The following TEAD4 variants were observed in gnomAD, a reference collection of about 807,000 sequenced individuals.
TEAD4 encodes the protein transcriptional enhancer factor TEF-3.
TEAD4 carries 36 observed loss-of-function variants against 52.4 expected under a neutral mutation model. The ratio of observed to expected loss-of-function variants is 0.69; its 90% CI spans 0.53 to 0.91. The LOEUF (loss-of-function observed/expected upper bound fraction) is 0.91, where lower values mean the gene tolerates loss of function less well. Among genes scored for constraint, TEAD4 ranks in the 40% least tolerant of loss-of-function variants. TEAD4 has a pLI of 0.00. For missense variants in TEAD4, 508 were observed against 583.9 expected (o/e 0.87, Z 1.34); for synonymous variants, 220 against 231.0 (o/e 0.95, Z 0.43).
At chr12:3,028,990 G>A (rs923853749) in intron 10 of TEAD4, among the ~76,000 whole-genome samples, 5 of 152,070 alleles carry the variant, frequency 3.3e-5, no homozygotes, top group Non-Finnish European at 7.4e-5. Context: ...TGAGTTCTTA[G>A]TTCTGGATGA....
chr12:3,028,245 C>T (rs2098273259), intron 10 of TEAD4, among the ~76,000 whole-genome samples: 1 of 152,188 alleles, frequency 6.6e-6, no homozygotes, highest in Admixed American at 6.5e-5. Context: ...CTCCTCTTGG[C>T]TGTTAGGAGT....
intron 2 of TEAD4, among the ~76,000 whole-genome samples, chr12:2,969,745 G>A (rs2098223564): frequency 6.6e-6 from 1 of 152,210 alleles, no homozygotes; most frequent in African/African-American, 2.4e-5. Context: ...GGGAATTATT[G>A]CGTGGCTGCC....
chr12:2,993,125 A>G (rs1156802266), intron 2 of TEAD4, among the ~76,000 whole-genome samples: 2 of 152,226 alleles, frequency 1.3e-5, no homozygotes, highest in African/African-American at 2.4e-5. Flanking sequence ...AAAAAAGACC[A>G]CAAAATGTAC....
chr12:2,992,767 G>A (rs891658121), intron 2 of TEAD4, among the ~76,000 whole-genome samples: 3 of 152,102 alleles, frequency 2.0e-5, no homozygotes, highest in African/African-American at 7.3e-5. Flanking sequence ...GGGGCTCTGC[G>A]AGGGCTGTGG....
intron 2 of TEAD4, among the ~76,000 whole-genome samples, chr12:2,964,723 C>T (rs961309356): frequency 5.9e-5 from 9 of 151,744 alleles, no homozygotes; most frequent in East Asian, 1.9e-4. Flanking sequence ...CCACCCGCCT[C>T]GGCCTCCCAG....
At chr12:3,033,635 C>A (rs764309998) in intron 10 of TEAD4, among the ~76,000 whole-genome samples, 2 of 152,210 alleles carry the variant, frequency 1.3e-5, no homozygotes, top group Non-Finnish European at 2.9e-5. Context: ...CCTCCAGGCC[C>A]CCACACCCGG....
intron 3 of TEAD4, among the ~76,000 whole-genome samples, chr12:3,005,078 A>G (rs934712496): frequency 6.6e-6 from 1 of 152,166 alleles, no homozygotes; most frequent in Non-Finnish European, 1.5e-5. Flanking sequence ...ACAAATACAA[A>G]CCTGGAGGAC....
intron 2 of TEAD4, among the ~76,000 whole-genome samples, chr12:2,964,495 T>C: frequency 6.6e-6 from 1 of 151,762 alleles, no homozygotes; most frequent in Non-Finnish European, 1.5e-5. Context: ...TTTGCTTTTG[T>C]TGCCCAGGCT....
chr12:2,962,301 A>T (rs369047645), intron 2 of TEAD4, among the ~76,000 whole-genome samples: 1,210 of 29,540 alleles, frequency 0.041, 6 homozygotes, highest in Non-Finnish European at 0.12. Flanking sequence ...TATATATATA[A>T]ATATAAATAT....
chr12:2,972,305 C>T (rs1362526583), intron 2 of TEAD4, among the ~76,000 whole-genome samples: 1 of 151,924 alleles, frequency 6.6e-6, no homozygotes, highest in Non-Finnish European at 1.5e-5. Flanking sequence ...TGGTCTCAAA[C>T]TCCTGGGCTC....
At chr12:2,984,372 ACCAGGTCAT>A (rs2153954164) in intron 2 of TEAD4, among the ~76,000 whole-genome samples, 1 of 152,300 alleles carries the variant, frequency 6.6e-6, no homozygotes, top group African/African-American at 2.4e-5. Context: ...ATGGGGTTGC[ACCAGGTCAT>A]CCAGATGTGC....
intron 3 of TEAD4, among the ~76,000 whole-genome samples, chr12:3,010,121 C>T (rs1389313940): frequency 6.6e-6 from 1 of 152,250 alleles, no homozygotes; most frequent in Non-Finnish European, 1.5e-5. Context: ...TAACACTAGC[C>T]AGGGGTGAAG....
chr12:3,014,117 C>A (rs996316208), intron 5 of TEAD4, among the ~76,000 whole-genome samples: 1 of 152,208 alleles, frequency 6.6e-6, no homozygotes, highest in African/African-American at 2.4e-5. Flanking sequence ...GCTCCTTTTT[C>A]CCTGGGACAG....
intron 2 of TEAD4, among the ~76,000 whole-genome samples, chr12:2,963,367 G>C (rs1475937058): frequency 2.0e-5 from 3 of 152,204 alleles, no homozygotes; most frequent in African/African-American, 7.2e-5. Flanking sequence ...GGTCAGTCCA[G>C]TGGCAGTTGG....
intron 2 of TEAD4, among the ~76,000 whole-genome samples, chr12:2,991,844 A>T (rs771340724): frequency 2.0e-5 from 3 of 151,888 alleles, no homozygotes; most frequent in Non-Finnish European, 4.4e-5. Context: ...CACTTGTTAC[A>T]CTAAAAAGGC....
At chr12:2,977,441 C>T (rs2098230670) in intron 2 of TEAD4, among the ~76,000 whole-genome samples, 1 of 152,184 alleles carries the variant, frequency 6.6e-6, no homozygotes, top group Admixed American at 6.5e-5. Context: ...ATTGTGGGGC[C>T]TCCCCCCCTC....
chr12:3,020,595 C>A, intron 8 of TEAD4, 39 bp from the exon 9 acceptor site: 1 of 1,496,238 alleles, frequency 6.7e-7, no homozygotes, highest in Non-Finnish European at 8.9e-7. Context: ...GGGCGGGTGT[C>A]CGTGACCAGG....
chr12:3,010,103 G>A lies in TEAD4; in HGVS notation c.227-901G>A, dbSNP rs543592348. On this transcript the variant is annotated intron_variant, in intron 3 of 12. Coordinates refer to ENST00000359864, the MANE Select transcript of TEAD4 (RefSeq NM_003213.4). ...GCCTCTCCTCATCCGATGCTTCTCC[G>A]TATGGTTTAACACTAGCCAGGGGTG... 5.3e-5 allele frequency among the ~76,000 whole-genome samples: 8 copies of A among 152,294 alleles called. No individual in the cohort carries two copies. In the East Asian group the frequency reaches 1.2e-3, roughly 22 times the overall value.
intron 2 of TEAD4, among the ~76,000 whole-genome samples, chr12:2,990,344 G>A (rs183669182): frequency 6.6e-6 from 1 of 151,216 alleles, no homozygotes; most frequent in East Asian, 1.9e-4. Flanking sequence ...TTGGCTAGAG[G>A]TTACTAAGCG....
Sources: gnomAD v4.1 joint callset for allele counts (sites outside exome capture counted in the v4.1 genomes callset) on GRCh38, gnomAD v4.1.1 for gene constraint, MANE v1.5 for transcripts, NCBI Gene and HGNC (gene_info 2026-07-23, HGNC 2026-07-21) for gene names.